The following HMCN1 variants were observed in gnomAD, a reference collection of about 807,000 sequenced individuals.
HMCN1 encodes the protein hemicentin-1.
A neutral mutation model predicts 625.9 loss-of-function variants in HMCN1; 321 were observed. The ratio of observed to expected loss-of-function variants is 0.51; its 90% CI spans 0.47 to 0.56. The LOEUF (loss-of-function observed/expected upper bound fraction) is 0.56, where lower values mean the gene tolerates loss of function less well. Ranked by LOEUF, HMCN1 falls within the 20% of genes least tolerant of loss-of-function variation. HMCN1 has a pLI of 0.00. For missense variants in HMCN1, 6,588 were observed against 6,887.3 expected, an observed-to-expected ratio of 0.96 and a Z score of 1.54; for synonymous variants, 2,425 against 2,417.6, an observed-to-expected ratio of 1.00 and a Z score of -0.09.
intron 2 of HMCN1, among the ~76,000 whole-genome samples, chr1:185,853,606 T>C (rs1485289977): frequency 6.6e-6 from 1 of 152,076 alleles, no homozygotes; most frequent in Non-Finnish European, 1.5e-5. Context: ...GAACAAGGAA[T>C]AGAGACTGCG....
At chr1:185,925,901 G>GAA (rs1234614652) in intron 9 of HMCN1, among the ~76,000 whole-genome samples, 1 of 152,196 alleles carries the variant, frequency 6.6e-6, no homozygotes, top group Non-Finnish European at 1.5e-5. Context: ...GCCAGGAGGA[G>GAA]AAGGGGAGCA....
At chr1:185,892,600 G>T (rs1665183308) in intron 4 of HMCN1, among the ~76,000 whole-genome samples, 1 of 152,102 alleles carries the variant, frequency 6.6e-6, no homozygotes, top group Admixed American at 6.5e-5. Flanking sequence ...CCTGCTGGAG[G>T]GTGCCTCCCA....
At chr1:186,155,780 T>C (rs1382700898) in intron 97 of HMCN1, among the ~76,000 whole-genome samples, 1 of 152,232 alleles carries the variant, frequency 6.6e-6, no homozygotes, top group Non-Finnish European at 1.5e-5. Context: ...TTTTAAGAAT[T>C]GTGTACTTGC....
intron 1 of HMCN1, among the ~76,000 whole-genome samples, chr1:185,754,716 C>T (rs1308586564): frequency 6.6e-6 from 1 of 152,032 alleles, no homozygotes; most frequent in East Asian, 1.9e-4. Flanking sequence ...GGCATGATGG[C>T]AGATGCCTGT....
chr1:186,092,685 T>A (rs1292504423), intron 64 of HMCN1, among the ~76,000 whole-genome samples: 2 of 152,042 alleles, frequency 1.3e-5, no homozygotes, highest in African/African-American at 2.4e-5. Context: ...TAGCCACATA[T>A]GATACCAAAT....
At chr1:185,925,718 G>A (rs1266908271) in intron 9 of HMCN1, among the ~76,000 whole-genome samples, 1 of 152,176 alleles carries the variant, frequency 6.6e-6, no homozygotes, top group East Asian at 1.9e-4. Flanking sequence ...AAAATTCAGA[G>A]TAAGGGGCAT....
In HMCN1 at chr1:185,984,360, A is replaced by T. The variant is rs773184650; in HGVS notation, c.2935+47A>T. 4 of 1,571,618 alleles carry T rather than the reference A, an allele frequency of 2.5e-6. No individual in the cohort carries two copies. The Admixed American group carries it at 6.7e-5, about 26-fold the overall frequency. ...ATTGTTTCGAAACTGTGTTCAAAGT[A>T]GTTGTTCTTATATTTTAATCAAATA... On this transcript the variant is annotated intron_variant, in intron 19 of 106. Transcript: ENST00000271588.
chr1:186,130,869 C>A (rs1661899089), intron 85 of HMCN1, among the ~76,000 whole-genome samples, 172 bp downstream of exon 85: 1 of 152,160 alleles, frequency 6.6e-6, no homozygotes, highest in Non-Finnish European at 1.5e-5. Context: ...TATTTTAGCC[C>A]TTTCAAATAA....
At chr1:185,962,377 G>C (rs1650086055) in intron 11 of HMCN1, 141 bp from the exon 12 acceptor site, 3 of 726,956 alleles carry the variant, frequency 4.1e-6, no homozygotes, top group Non-Finnish European at 7.5e-6. Flanking sequence ...TTTCTTTCCT[G>C]CCATATCTGT....
intron 1 of HMCN1, among the ~76,000 whole-genome samples, chr1:185,764,409 A>C (rs996014236): frequency 6.6e-6 from 1 of 152,172 alleles, no homozygotes; most frequent in Non-Finnish European, 1.5e-5. Context: ...TACACTTTAT[A>C]TAGAATTCTT....
At chr1:186,096,964 T>C (rs1465492447) in intron 68 of HMCN1, among the ~76,000 whole-genome samples, 1 of 152,166 alleles carries the variant, frequency 6.6e-6, no homozygotes, top group Non-Finnish European at 1.5e-5. Context: ...TGAAAGCCTT[T>C]CCTACAAGGT....
intron 36 of HMCN1, among the ~76,000 whole-genome samples, chr1:186,030,921 CT>C (rs1460401937): frequency 6.6e-6 from 1 of 151,660 alleles, no homozygotes; most frequent in Non-Finnish European, 1.5e-5. Flanking sequence ...AAATTTTGTT[CT>C]TAATTAGCTC....
At chr1:186,038,080 T>TG in intron 37 of HMCN1, 45 bp downstream of exon 37, 1 of 1,251,672 alleles carries the variant, frequency 8.0e-7, no homozygotes, top group Non-Finnish European at 1.2e-6. Context: ...TTAAGATTTC[T>TG]GGGAATAACT....
chr1:185,849,341 C>T (rs1662025557), intron 2 of HMCN1, among the ~76,000 whole-genome samples: 1 of 152,082 alleles, frequency 6.6e-6, no homozygotes, highest in Non-Finnish European at 1.5e-5. Context: ...TAAATAATAC[C>T]ACTTCCTCAG....
intron 30 of HMCN1, among the ~76,000 whole-genome samples, chr1:186,013,004 G>A (rs1654101616): frequency 6.6e-6 from 1 of 151,948 alleles, no homozygotes; most frequent in Admixed American, 6.6e-5. Flanking sequence ...GTATTCACTG[G>A]TGATGAAATT....
Position 186,015,412 on chromosome 1 carries a change from A to G in HMCN1, c.4884A>G (p.Glu1628=). The change falls in exon 31 of 107, where the codon GAA becomes GAG. Residue 1628 remains glutamate (E), a synonymous_variant. Coordinates refer to ENST00000271588, the MANE Select transcript of HMCN1 (RefSeq NM_031935.3). ...CHVANVAGTA[E]KSFHVDVYVP... The stretch of plus-strand genomic sequence containing the variant: ...TAGCCAATGTTGCTGGAACTGCTGA[A>G]AAATCATTCCATGTGGATGTCTATG... 2 of 1,613,650 alleles carry G rather than the reference A, an allele frequency of 1.2e-6. No individual in the cohort carries two copies. The highest frequency in any genetic ancestry group is 1.7e-6 in the Non-Finnish European group (2 of 1,179,680).
intron 19 of HMCN1, among the ~76,000 whole-genome samples, chr1:185,985,917 A>G (rs1469641347): frequency 2.0e-5 from 3 of 152,188 alleles, no homozygotes; most frequent in Non-Finnish European, 4.4e-5. Context: ...GTTTATATAG[A>G]TTGACAATCT....
chr1:186,167,451 C>T (rs932484653), intron 100 of HMCN1, among the ~76,000 whole-genome samples: 16 of 152,162 alleles, frequency 1.1e-4, no homozygotes, highest in Admixed American at 7.2e-4. Context: ...CACACCAGGG[C>T]GGTACGTTTG....
At chr1:185,840,788 G>A (rs1235343162) in intron 1 of HMCN1, among the ~76,000 whole-genome samples, 1 of 151,852 alleles carries the variant, frequency 6.6e-6, no homozygotes, top group Admixed American at 6.6e-5. Flanking sequence ...CAGCTCAGGG[G>A]GTTCTTGTTT....
Sources: gnomAD v4.1 joint callset for allele counts (sites outside exome capture counted in the v4.1 genomes callset) on GRCh38, gnomAD v4.1.1 for gene constraint, MANE v1.5 for transcripts, NCBI Gene and HGNC (gene_info 2026-07-23, HGNC 2026-07-21) for gene names.